The following SLX4IP variants were observed in gnomAD, a reference collection of about 807,000 sequenced individuals.
SLX4IP encodes the protein protein SLX4IP.
A neutral mutation model predicts 32.9 loss-of-function variants in SLX4IP; 34 were observed. The observed-to-expected ratio is 1.03, with a 90% CI of 0.79 to 1.38. The LOEUF (loss-of-function observed/expected upper bound fraction) is 1.38. Among genes scored for constraint, SLX4IP ranks in the 40% most tolerant of loss-of-function variants. The pLI is 0.00. For synonymous variants in SLX4IP, 172 were observed against 171.7 expected, an observed-to-expected ratio of 1.00 and a Z score of -0.01; for missense variants, 444 against 479.0, an observed-to-expected ratio of 0.93 and a Z score of 0.68.
rs1164350172 is a variant in SLX4IP, at chr20:10,555,198, A to T, written c.28-1033A>T. The stretch of plus-strand genomic sequence containing the variant: ...CTGTTGATATATAGGACAGAATTTA[A>T]AAAAAAAAAAACAAAACTGTCCAGC... On this transcript the variant is annotated intron_variant, in intron 2 of 7. Coordinates refer to ENST00000334534, the MANE Select transcript of SLX4IP (RefSeq NM_001009608.3). Among the ~76,000 whole-genome samples the T allele has an allele frequency of 2.2e-5, 3 of 137,472 alleles. No individual in the cohort carries two copies. In the East Asian group the frequency reaches 8.4e-4, roughly 39 times the overall value. 90.2% of individuals were successfully genotyped at this position (137,472 alleles called of 152,430 possible).
chr20:10,601,688 G>A, intron 5 of SLX4IP, 43 bp from the exon 6 acceptor site: 1 of 1,551,266 alleles, frequency 6.4e-7, no homozygotes. Context: ...TGTGTTTATA[G>A]TTTTTTGACA....
In SLX4IP at chr20:10,563,882, A is replaced by T. The variant is rs922724036; in HGVS notation, c.238+3062A>T. On this transcript the variant is annotated intron_variant, in intron 4 of 7. Coordinates refer to ENST00000334534, the MANE Select transcript of SLX4IP (RefSeq NM_001009608.3). ...TCTTTTGCTCACAGTTGCTTTGGCTATTTGGGTCTTTTGTGGTTCCATACA... is the reference window on the plus strand; with the variant it reads ...TCTTTTGCTCACAGTTGCTTTGGCTTTTTGGGTCTTTTGTGGTTCCATACA... Among the ~76,000 whole-genome samples, 3 of 152,150 alleles carry T rather than the reference A, an allele frequency of 2.0e-5. No individual in the cohort carries two copies. The East Asian group carries it at 5.8e-4, about 29-fold the overall frequency.
chr20:10,581,969 T>C (rs2066592147), intron 4 of SLX4IP, among the ~76,000 whole-genome samples: 1 of 152,120 alleles, frequency 6.6e-6, no homozygotes, highest in Non-Finnish European at 1.5e-5. Flanking sequence ...TGAAAATATT[T>C]GCATTTGTAA....
At chr20:10,452,971 T>C (rs2065255800) in intron 1 of SLX4IP, among the ~76,000 whole-genome samples, 2 of 152,180 alleles carry the variant, frequency 1.3e-5, no homozygotes, top group South Asian at 2.1e-4. Flanking sequence ...TTGTTATTGT[T>C]TTTACTGGTC....
At chr20:10,576,970 A>G (rs186443028) in intron 4 of SLX4IP, among the ~76,000 whole-genome samples, 3 of 152,200 alleles carry the variant, frequency 2.0e-5, no homozygotes, top group Admixed American at 2.0e-4. Flanking sequence ...GTGAGAAAAT[A>G]TATTTTACAC....
intron 5 of SLX4IP, among the ~76,000 whole-genome samples, chr20:10,600,998 G>A (rs1359239961): frequency 2.0e-5 from 3 of 152,162 alleles, no homozygotes; most frequent in South Asian, 2.1e-4. Flanking sequence ...GATGAGAAAA[G>A]GAAAGATCCA....
chr20:10,459,129 T>C (rs764604937), intron 2 of SLX4IP, among the ~76,000 whole-genome samples: 11 of 152,380 alleles, frequency 7.2e-5, no homozygotes, highest in Admixed American at 2.6e-4. Flanking sequence ...GAGCTTTTTT[T>C]CATATATTTG....
intron 5 of SLX4IP, among the ~76,000 whole-genome samples, chr20:10,599,627 G>A (rs981090145): frequency 2.6e-5 from 4 of 151,612 alleles, no homozygotes; most frequent in Non-Finnish European, 4.4e-5. Context: ...AAACTCCTGG[G>A]GTCAAGCTGT....
At chr20:10,521,171 C>T (rs2065898592) in intron 2 of SLX4IP, among the ~76,000 whole-genome samples, 1 of 152,214 alleles carries the variant, frequency 6.6e-6, no homozygotes, top group Admixed American at 6.5e-5. Flanking sequence ...TCTTCAGCAG[C>T]CTTGCTGATC....
chr20:10,562,511 G>A (rs956158591), intron 4 of SLX4IP, among the ~76,000 whole-genome samples: 2 of 152,152 alleles, frequency 1.3e-5, no homozygotes, highest in East Asian at 3.9e-4. Context: ...GTGTGTGCCC[G>A]CTAGGGTCTC....
chr20:10,585,606 G>A (rs748362738), intron 4 of SLX4IP, among the ~76,000 whole-genome samples: 4 of 147,510 alleles, frequency 2.7e-5, no homozygotes, highest in South Asian at 4.3e-4. Flanking sequence ...TTTTTGAGAC[G>A]GAGTCTCACT....
chr20:10,580,206 G>A (rs2066568281), intron 4 of SLX4IP, among the ~76,000 whole-genome samples: 1 of 152,098 alleles, frequency 6.6e-6, no homozygotes, highest in African/African-American at 2.4e-5. Flanking sequence ...TTCTAAAGTT[G>A]AGGCCAGGTT....
At chr20:10,537,458 C>G (rs1213569256) in intron 2 of SLX4IP, among the ~76,000 whole-genome samples, 1 of 152,194 alleles carries the variant, frequency 6.6e-6, no homozygotes, top group Non-Finnish European at 1.5e-5. Flanking sequence ...CATGTACTTC[C>G]TTACTATAAC....
intron 2 of SLX4IP, among the ~76,000 whole-genome samples, chr20:10,542,533 C>T (rs1007203233): frequency 2.0e-5 from 3 of 152,118 alleles, no homozygotes; most frequent in Non-Finnish European, 4.4e-5. Flanking sequence ...TATTTGGGTA[C>T]GTGATAGTTT....
intron 2 of SLX4IP, among the ~76,000 whole-genome samples, chr20:10,544,864 A>G (rs1333624354): frequency 1.3e-5 from 2 of 151,572 alleles, no homozygotes; most frequent in African/African-American, 4.9e-5. Context: ...CTTCCTTTCT[A>G]TTGTAACCTC....
chr20:10,493,456 C>T (rs668535), intron 2 of SLX4IP, among the ~76,000 whole-genome samples: 59,484 of 151,954 alleles, frequency 0.39, 11,863 homozygotes, highest in Non-Finnish European at 0.43. Flanking sequence ...CCAACCATAT[C>T]GAACTCCCAT....
At chr20:10,468,993 G>C (rs2065402422) in intron 2 of SLX4IP, among the ~76,000 whole-genome samples, 1 of 151,866 alleles carries the variant, frequency 6.6e-6, no homozygotes. Flanking sequence ...GAATTGTCTT[G>C]GGCCACACAT....
At chr20:10,496,840 A>G (rs1175755823) in intron 2 of SLX4IP, among the ~76,000 whole-genome samples, 1 of 152,192 alleles carries the variant, frequency 6.6e-6, no homozygotes, top group African/African-American at 2.4e-5. Flanking sequence ...CATATCATCT[A>G]CAGTATCTCT....
intron 4 of SLX4IP, among the ~76,000 whole-genome samples, chr20:10,566,411 A>G (rs1286916908): frequency 6.6e-6 from 1 of 150,950 alleles, no homozygotes; most frequent in Non-Finnish European, 1.5e-5. Context: ...TGAAACAGTC[A>G]CATGGTACTT....
Sources: gnomAD v4.1 joint callset for allele counts (sites outside exome capture counted in the v4.1 genomes callset) on GRCh38, gnomAD v4.1.1 for gene constraint, MANE v1.5 for transcripts, NCBI Gene and HGNC (gene_info 2026-07-23, HGNC 2026-07-21) for gene names.